TRAPPC8: variants seen among roughly 807,000 people sequenced by gnomAD.
TRAPPC8 encodes the protein trafficking protein particle complex subunit 8.
Under a neutral mutation model 174.3 loss-of-function variants are expected in TRAPPC8, and 54 were observed. The observed-to-expected ratio is 0.31, with a 90% CI of 0.25 to 0.39. The LOEUF is 0.39. Among genes scored for constraint, TRAPPC8 ranks in the 10% least tolerant of loss-of-function variants. The pLI, the probability that TRAPPC8 is intolerant of heterozygous loss-of-function variation, is 1.00. For synonymous variants in TRAPPC8, 630 were observed against 579.9 expected (o/e 1.09, Z -1.24); for missense variants, 1,531 against 1,699.1 (o/e 0.90, Z 1.74).
intron 26 of TRAPPC8, among the ~76,000 whole-genome samples, chr18:31,843,203 A>C (rs563158675): frequency 6.6e-6 from 1 of 152,278 alleles, no homozygotes; most frequent in South Asian, 2.1e-4. Flanking sequence ...GAGAAATTAT[A>C]ATTCCTTTCT....
At position 31,870,964 on chromosome 18, in the gene TRAPPC8, T is replaced by A. The variant is rs1463161571; in HGVS notation, c.2219A>T (p.Tyr740Phe). 6.9e-6 allele frequency: 11 copies of A among 1,594,588 alleles called. No homozygotes were observed. The Admixed American group carries it at 1.7e-4, about 25-fold the overall frequency. ...FHPTQYCLNS[Y>F]SDNSRFPLAV... ...AAGTGGAAATCTTGAATTATCTGAG[T>A]AACTGTTCAAACAGTATTGTGTGGG... Residue 740 changes from tyrosine (Y) to phenylalanine (F), a missense_variant, in exon 15 of 29, where the codon TAC becomes TTC. By Grantham distance (22) the Tyr-to-Phe change is conservative (BLOSUM62 3). Transcript: ENST00000283351.
chr18:31,874,353 A>G lies in TRAPPC8; in HGVS notation c.1953+127T>C, dbSNP rs531032207. 4 of 1,007,766 alleles carry G rather than the reference A, an allele frequency of 4.0e-6. No homozygotes were observed. The East Asian group carries it at 1.0e-4, about 26-fold the overall frequency. The allele number at this position is 1,007,766 out of a possible 1,614,324, so 62.4% of individuals were successfully genotyped here. A position where few individuals can be genotyped will look rare whatever the true frequency, so the allele number is the denominator to read the frequency against. ...CTATAGCCAAAAAGCCTAGCCTGCC[A>G]CAGCTTTTTTATGACTGATAACTAC... On this transcript the variant is annotated intron_variant, in intron 13 of 28. Transcript: ENST00000283351.
chr18:31,940,409 G>A (rs537182126), intron 1 of TRAPPC8, among the ~76,000 whole-genome samples: 6 of 152,264 alleles, frequency 3.9e-5, no homozygotes, highest in South Asian at 2.1e-4. Flanking sequence ...AGGTTGTAGT[G>A]AGCCAAGATC....
At chr18:31,873,007 C>CTTTTTT (rs59209328) in intron 14 of TRAPPC8, among the ~76,000 whole-genome samples, 10 of 74,600 alleles carry the variant, frequency 1.3e-4, no homozygotes, top group African/African-American at 3.0e-4. Flanking sequence ...ATTCATTTTC[C>CTTTTTT]TTTTTTTTTT....
chr18:31,921,781 A>G (rs959672211), intron 2 of TRAPPC8, among the ~76,000 whole-genome samples: 5 of 152,024 alleles, frequency 3.3e-5, no homozygotes, highest in Non-Finnish European at 1.5e-5. Flanking sequence ...TTACGCTTCG[A>G]TTTTCTTGTA....
intron 12 of TRAPPC8, among the ~76,000 whole-genome samples, chr18:31,881,546 G>C (rs2145282441): frequency 6.6e-6 from 1 of 152,088 alleles, no homozygotes; most frequent in East Asian, 1.9e-4. Flanking sequence ...AAAAATCCTA[G>C]AAGAAAACCC....
At chr18:31,887,581 G>C (rs1363033100) in intron 12 of TRAPPC8, among the ~76,000 whole-genome samples, 3 of 151,338 alleles carry the variant, frequency 2.0e-5, no homozygotes, top group Non-Finnish European at 4.4e-5. Flanking sequence ...AGGAGGCAGA[G>C]GTTGCAGTGA....
chr18:31,830,713 A>T lies in TRAPPC8; in HGVS notation c.*42T>A. 3.8e-6 allele frequency: 6 copies of T among 1,567,524 alleles called. No individual in the cohort carries two copies. Among genetic ancestry groups the T allele is most frequent in the Non-Finnish European group, 5.2e-6 (6 of 1,146,796 alleles). On this transcript the variant is annotated 3_prime_UTR_variant, in exon 29 of 29. Coordinates refer to ENST00000283351, the MANE Select transcript of TRAPPC8 (RefSeq NM_014939.5). ...AATACTGCTGTAAAACCCATCCAGC[A>T]AAAACTGATTATTGTGGATTTCAGT...
chr18:31,901,299 C>A (rs2036415354), intron 9 of TRAPPC8, among the ~76,000 whole-genome samples: 1 of 152,156 alleles, frequency 6.6e-6, no homozygotes, highest in African/African-American at 2.4e-5. Context: ...CTTACAGAAA[C>A]CTCCAAGTAG....
At chr18:31,939,040 C>T (rs145437704) in intron 1 of TRAPPC8, among the ~76,000 whole-genome samples, 2 of 143,890 alleles carry the variant, frequency 1.4e-5, no homozygotes, top group South Asian at 2.3e-4. Flanking sequence ...AGATCTATCT[C>T]GCCGCTGCAC....
intron 3 of TRAPPC8, 134 bp downstream of exon 3, chr18:31,917,444 C>T (rs992618567): frequency 2.6e-5 from 19 of 726,220 alleles, no homozygotes; most frequent in Non-Finnish European, 2.9e-5. Context: ...AACAAGACTC[C>T]GTGTATTGTC....
chr18:31,933,173 C>A (rs1286707823), intron 1 of TRAPPC8, among the ~76,000 whole-genome samples: 2 of 151,476 alleles, frequency 1.3e-5, no homozygotes, highest in African/African-American at 4.9e-5. Flanking sequence ...TGGTGGTGGG[C>A]ACCTATAGTC....
intron 11 of TRAPPC8, 101 bp downstream of exon 11, chr18:31,897,685 G>A (rs113969774): frequency 1.2e-5 from 10 of 809,876 alleles, no homozygotes; most frequent in Non-Finnish European, 1.7e-5. Context: ...GATTTCCCTG[G>A]CTAATTTTAT....
intron 1 of TRAPPC8, among the ~76,000 whole-genome samples, chr18:31,933,287 C>G (rs1487654389): frequency 7.8e-6 from 1 of 127,862 alleles, no homozygotes; most frequent in East Asian, 2.3e-4. Context: ...GGCAACAGAG[C>G]GAGACTCCGT....
chr18:31,834,847 C>T (rs778049700), intron 27 of TRAPPC8, among the ~76,000 whole-genome samples: 19 of 152,286 alleles, frequency 1.2e-4, no homozygotes, highest in Admixed American at 2.6e-4. Flanking sequence ...GTCCCATTTC[C>T]TCACATTTCT....
chr18:31,929,689 A>C (rs1742515131), intron 2 of TRAPPC8, among the ~76,000 whole-genome samples: 1 of 152,188 alleles, frequency 6.6e-6, no homozygotes, highest in South Asian at 2.1e-4. Context: ...AATAAAAATA[A>C]AAAGAAACAC....
At chr18:31,939,278 G>C (rs1038803150) in intron 1 of TRAPPC8, 1 of 152,046 alleles carries the variant, frequency 6.6e-6, no homozygotes, top group Admixed American at 6.6e-5. Context: ...TGTAAAACTT[G>C]TATCTACTTA....
At chr18:31,895,293 G>A (rs1459985138) in intron 11 of TRAPPC8, among the ~76,000 whole-genome samples, 1 of 152,082 alleles carries the variant, frequency 6.6e-6, no homozygotes, top group Non-Finnish European at 1.5e-5. Context: ...TGTTGGTAAA[G>A]ATTTAACATA....
chr18:31,935,162 T>C (rs1446677193), intron 1 of TRAPPC8, among the ~76,000 whole-genome samples: 3 of 150,870 alleles, frequency 2.0e-5, no homozygotes, highest in Non-Finnish European at 4.4e-5. Flanking sequence ...CTGACCAACA[T>C]AGAGAAACCC....
Sources: allele counts gnomAD v4.1 joint callset (sites outside exome capture counted in the v4.1 genomes callset), GRCh38; gene constraint gnomAD v4.1.1; transcripts MANE v1.5; gene names NCBI Gene and HGNC (gene_info 2026-07-23, HGNC 2026-07-21).